Variants in PHACTR1 observed in about 807,000 individuals in gnomAD.
PHACTR1 encodes the protein phosphatase and actin regulator 1.
A neutral mutation model predicts 69.2 loss-of-function variants in PHACTR1; 16 were observed. The ratio of observed to expected loss-of-function variants is 0.23; its 90% CI spans 0.16 to 0.35. PHACTR1 has a LOEUF of 0.35. PHACTR1 is among the 10% of genes least tolerant of loss of function. The probability of loss-of-function intolerance (pLI) is 1.00; values close to 1 mark genes in which losing one functional copy is unlikely to be tolerated. For missense variants in PHACTR1, 510 were observed against 734.7 expected (o/e 0.69, Z 3.54); for synonymous variants, 312 against 284.5 (o/e 1.10, Z -0.97).
At position 13,211,513 on chromosome 6, in the gene PHACTR1, A is replaced by G. The variant is rs537698069; in HGVS notation, c.986+5377A>G. Among the ~76,000 whole-genome samples, 6 of 152,322 alleles carry G rather than the reference A, an allele frequency of 3.9e-5. No homozygotes were observed. The South Asian group carries it at 1.2e-3, about 32-fold the overall frequency. ...TAAAATGAAGGTGGAATGTGGATCCATGTGGACCCTGAAGGAATTTTAGGA... is the reference window on the plus strand; with the variant it reads ...TAAAATGAAGGTGGAATGTGGATCCGTGTGGACCCTGAAGGAATTTTAGGA... On this transcript the variant is annotated intron_variant, in intron 8 of 14. Transcript: ENST00000332995.
rs73360035 is a variant in PHACTR1, at chr6:12,781,071, A to C, written c.250+31281A>C. 3.6e-3 allele frequency among the ~76,000 whole-genome samples: 552 copies of C among 152,256 alleles called. 2 individuals carry two copies. Among genetic ancestry groups the C allele is most frequent in the African/African-American group, 0.012 (505 of 41,550 alleles). On this transcript the variant is annotated intron_variant, in intron 4 of 14. Transcript: ENST00000332995. ...TTTTGAAAAACTGAAATTCTTCTCA[A>C]CTCAGGATGCAGAGCCTGCCCATTC...
chr6:13,151,211 G>C (rs1417287781), intron 5 of PHACTR1, among the ~76,000 whole-genome samples: 1 of 152,168 alleles, frequency 6.6e-6, no homozygotes, highest in Non-Finnish European at 1.5e-5. Context: ...ATTCCCTTCA[G>C]AATGTAATTT....
intron 5 of PHACTR1, among the ~76,000 whole-genome samples, chr6:13,115,588 G>A (rs2127924671): frequency 6.6e-6 from 1 of 152,254 alleles, no homozygotes; most frequent in Middle Eastern, 3.4e-3. Context: ...CAGGAATGAG[G>A]CAAAGTCAGA....
intron 5 of PHACTR1, among the ~76,000 whole-genome samples, chr6:13,066,408 A>G (rs959030519): frequency 1.3e-5 from 2 of 152,184 alleles, no homozygotes; most frequent in Non-Finnish European, 2.9e-5. Flanking sequence ...GTACTTATGG[A>G]TGCGTAAGAT....
intron 8 of PHACTR1, among the ~76,000 whole-genome samples, chr6:13,226,949 G>C (rs1769851746): frequency 6.6e-6 from 1 of 152,042 alleles, no homozygotes; most frequent in Non-Finnish European, 1.5e-5. Context: ...TGTTGGCCAG[G>C]ATGGTCTCGA....
intron 8 of PHACTR1, among the ~76,000 whole-genome samples, chr6:13,222,864 G>C (rs1768907159): frequency 6.6e-6 from 1 of 152,236 alleles, no homozygotes; most frequent in Non-Finnish European, 1.5e-5. Context: ...TGTCAGTCAT[G>C]CCTGTGTCGA....
At chr6:12,784,808 G>A (rs535387934) in intron 4 of PHACTR1, among the ~76,000 whole-genome samples, 13 of 151,788 alleles carry the variant, frequency 8.6e-5, no homozygotes, top group Non-Finnish European at 1.2e-4. Context: ...TCCACCTCCC[G>A]GATTCAAGTG....
intron 4 of PHACTR1, among the ~76,000 whole-genome samples, chr6:12,910,306 C>A (rs1340905947): frequency 6.6e-6 from 1 of 152,178 alleles, no homozygotes; most frequent in Non-Finnish European, 1.5e-5. Context: ...CCCCAGGATG[C>A]ATTTGTCTCC....
chr6:12,767,571 C>T (rs1250490840), intron 4 of PHACTR1, among the ~76,000 whole-genome samples: 1 of 152,168 alleles, frequency 6.6e-6, no homozygotes, highest in Non-Finnish European at 1.5e-5. Context: ...CTCCTTTACA[C>T]TTTCGTTTTT....
intron 4 of PHACTR1, among the ~76,000 whole-genome samples, chr6:12,816,574 C>G (rs1307328442): frequency 6.6e-6 from 1 of 152,218 alleles, no homozygotes; most frequent in African/African-American, 2.4e-5. Context: ...CCACTGAAAT[C>G]ACAGCTTATA....
At chr6:13,160,695 TTTTG>T (rs543424604) in intron 6 of PHACTR1, among the ~76,000 whole-genome samples, 4 of 152,242 alleles carry the variant, frequency 2.6e-5, no homozygotes, top group Admixed American at 2.0e-4. Flanking sequence ...CTTAACTTGT[TTTTG>T]TTTGTTTGTT....
chr6:12,921,831 A>ACGGG (rs1787749360), intron 4 of PHACTR1, among the ~76,000 whole-genome samples: 3 of 3,500 alleles, frequency 8.6e-4, no homozygotes, highest in South Asian at 0.013. Flanking sequence ...GGAAGGAAGG[A>ACGGG]AGGGAGGGAG....
chr6:13,156,253 G>T (rs1005708168), intron 5 of PHACTR1, among the ~76,000 whole-genome samples: 1 of 152,180 alleles, frequency 6.6e-6, no homozygotes, highest in Non-Finnish European at 1.5e-5. Context: ...AATAATCTGT[G>T]CATTCGCTGT....
chr6:13,207,547 C>A (rs1766122668), intron 8 of PHACTR1, among the ~76,000 whole-genome samples: 1 of 152,172 alleles, frequency 6.6e-6, no homozygotes, highest in Non-Finnish European at 1.5e-5. Context: ...ATCTCTCAAA[C>A]TGGTTCTCAA....
rs869096915 is a variant in PHACTR1 at position 12,777,625 on chromosome 6, C to CTTTTTTTTTTT, written c.250+27849_250+27859dup. On this transcript the variant is annotated intron_variant, in intron 4 of 14. Transcript: ENST00000332995. Reference sequence around the variant, plus strand: ...TGTATATATACCACCCTTTCTTCTTCTTTTTTTTTTTTTTTTTTTTTTTTG... The same window carrying CTTTTTTTTTTT: ...TGTATATATACCACCCTTTCTTCTTCTTTTTTTTTTTTTTTTTTTTTTTTTTTTTTTTTTTG... Among the ~76,000 whole-genome samples the CTTTTTTTTTTT allele has an allele frequency of 2.5e-3, 248 of 98,994 alleles. 2 individuals are homozygous for CTTTTTTTTTTT. The highest frequency in any genetic ancestry group is 5.7e-3 in the East Asian group (15 of 2,630). 64.9% of individuals were successfully genotyped at this position (98,994 alleles called of 152,430 possible).
chr6:12,819,709 C>G (rs1286308531), intron 4 of PHACTR1, among the ~76,000 whole-genome samples: 1 of 151,976 alleles, frequency 6.6e-6, no homozygotes, highest in Non-Finnish European at 1.5e-5. Flanking sequence ...TTATTTTTAG[C>G]CTCAAAAAGG....
At chr6:12,773,198 A>C (rs1371974242) in intron 4 of PHACTR1, among the ~76,000 whole-genome samples, 1 of 152,180 alleles carries the variant, frequency 6.6e-6, no homozygotes. Context: ...GGGTTTTTTA[A>C]AAAAATGTTT....
intron 3 of PHACTR1, among the ~76,000 whole-genome samples, chr6:12,742,775 G>A (rs1561839432): frequency 6.6e-6 from 1 of 152,074 alleles, no homozygotes; most frequent in South Asian, 2.1e-4. Context: ...AGGGTCTCTG[G>A]TACTCAGGGT....
intron 4 of PHACTR1, among the ~76,000 whole-genome samples, chr6:12,949,283 A>G (rs990387219): frequency 2.6e-5 from 4 of 150,994 alleles, no homozygotes; most frequent in African/African-American, 9.8e-5. Flanking sequence ...AAAAAAAAAA[A>G]AAAAGAAAGA....
Sources: gnomAD v4.1 joint callset for allele counts (sites outside exome capture counted in the v4.1 genomes callset) on GRCh38, gnomAD v4.1.1 for gene constraint, MANE v1.5 for transcripts, NCBI Gene and HGNC (gene_info 2026-07-23, HGNC 2026-07-21) for gene names.